Variants in ASTN2 observed in about 807,000 individuals in gnomAD.
ASTN2 encodes astrotactin-2.
A neutral mutation model predicts 139.8 loss-of-function variants in ASTN2; 54 were observed. That is an observed-to-expected ratio of 0.39 (90% confidence interval 0.31 to 0.48). ASTN2 has a LOEUF of 0.48. Ranked by LOEUF, ASTN2 falls within the 20% of genes least tolerant of loss-of-function variation. The pLI, the probability that ASTN2 is intolerant of heterozygous loss-of-function variation, is 0.95. For missense variants in ASTN2, 1,565 were observed against 1,725.1 expected, an observed-to-expected ratio of 0.91 and a Z score of 1.64; for synonymous variants, 756 against 719.5, an observed-to-expected ratio of 1.05 and a Z score of -0.81.
chr9:116,799,716 G>A (rs1485794618), intron 13 of ASTN2, among the ~76,000 whole-genome samples: 1 of 141,496 alleles, frequency 7.1e-6, no homozygotes, highest in African/African-American at 2.6e-5. Flanking sequence ...TGGGGGGGGG[G>A]AGAATAAAAA....
At chr9:116,513,942 C>T (rs1341725792) in intron 19 of ASTN2, among the ~76,000 whole-genome samples, 6 of 151,718 alleles carry the variant, frequency 4.0e-5, no homozygotes, top group African/African-American at 7.3e-5. Context: ...GCGATGGGTT[C>T]GAACTTCCTC....
intron 2 of ASTN2, among the ~76,000 whole-genome samples, chr9:117,287,737 A>G (rs1353395047): frequency 1.3e-5 from 2 of 152,214 alleles, no homozygotes; most frequent in African/African-American, 4.8e-5. Context: ...ATATAAGACT[A>G]AAGCCAATGT....
chr9:116,448,594 G>C (rs955886503), intron 20 of ASTN2, among the ~76,000 whole-genome samples: 6 of 152,150 alleles, frequency 3.9e-5, no homozygotes, highest in African/African-American at 1.2e-4. Flanking sequence ...TTACAAATAA[G>C]ACTGTTCTGG....
chr9:116,708,118 T>G (rs1488131432), intron 16 of ASTN2, among the ~76,000 whole-genome samples: 1 of 148,884 alleles, frequency 6.7e-6, no homozygotes, highest in Admixed American at 6.6e-5. Flanking sequence ...TGGCCCAATT[T>G]AAATTAAAAC....
intron 2 of ASTN2, among the ~76,000 whole-genome samples, chr9:117,253,080 T>C (rs1439724330): frequency 6.6e-6 from 1 of 152,152 alleles, no homozygotes; most frequent in African/African-American, 2.4e-5. Flanking sequence ...ATTGTGTCCA[T>C]TTTCCTGTCT....
At chr9:116,645,363 C>T (rs1242219008) in intron 17 of ASTN2, among the ~76,000 whole-genome samples, 1 of 152,116 alleles carries the variant, frequency 6.6e-6, no homozygotes, top group Non-Finnish European at 1.5e-5. Flanking sequence ...AAGAGTTTTT[C>T]CCTGCTTCTC....
chr9:117,226,962 T>C (rs551063400), intron 2 of ASTN2, among the ~76,000 whole-genome samples: 36 of 152,048 alleles, frequency 2.4e-4, no homozygotes, highest in Non-Finnish European at 7.4e-5. Context: ...AGGTCAGAAG[T>C]AGGGAAAAGA....
At chr9:116,997,956 A>G (rs570682496) in intron 7 of ASTN2, among the ~76,000 whole-genome samples, 50 of 152,186 alleles carry the variant, frequency 3.3e-4, no homozygotes, top group Non-Finnish European at 6.5e-4. Flanking sequence ...TAGATAATGA[A>G]TCTGCATTGA....
chr9:116,606,088 C>G (rs575903746), intron 19 of ASTN2, among the ~76,000 whole-genome samples: 1 of 152,242 alleles, frequency 6.6e-6, no homozygotes, highest in East Asian at 1.9e-4. Context: ...AAACCCATGC[C>G]AATTGTTCTG....
At chr9:117,104,718 T>C (rs1253073337) in intron 4 of ASTN2, among the ~76,000 whole-genome samples, 1 of 152,224 alleles carries the variant, frequency 6.6e-6, no homozygotes, top group African/African-American at 2.4e-5. Flanking sequence ...AAAACATTTC[T>C]TATTGTTGCT....
chr9:116,452,765 T>A lies in ASTN2; in HGVS notation c.3498-10212A>T, dbSNP rs570436072. Among the ~76,000 whole-genome samples the A allele has an allele frequency of 8.7e-4, 133 of 152,284 alleles. 3 individuals carry two copies. The South Asian group carries it at 0.027, about 31-fold the overall frequency. On this transcript the variant is annotated intron_variant, in intron 20 of 22. Transcript: ENST00000313400. ...CCAAATGGATAAAATTATTAGGCAT[T>A]CATTGGTCCCAAGTGGGTCTTGAGT...
intron 19 of ASTN2, among the ~76,000 whole-genome samples, chr9:116,610,267 A>G (rs1214749764): frequency 6.6e-6 from 1 of 152,184 alleles, no homozygotes; most frequent in African/African-American, 2.4e-5. Context: ...ACTATATACT[A>G]TCTTCCAGAA....
intron 4 of ASTN2, among the ~76,000 whole-genome samples, chr9:117,105,180 G>C (rs904477093): frequency 5.9e-5 from 9 of 152,114 alleles, no homozygotes; most frequent in African/African-American, 1.7e-4. Flanking sequence ...GCTGGCCTTA[G>C]GAACGTAACT....
intron 1 of ASTN2, among the ~76,000 whole-genome samples, chr9:117,325,694 G>T (rs1281434407): frequency 6.6e-6 from 1 of 152,150 alleles, no homozygotes; most frequent in Admixed American, 6.6e-5. Context: ...TCAAGATAAT[G>T]CCACTTTCCC....
chr9:116,959,483 C>T (rs1023464431), intron 10 of ASTN2, among the ~76,000 whole-genome samples: 1 of 151,994 alleles, frequency 6.6e-6, no homozygotes, highest in African/African-American at 2.4e-5. Flanking sequence ...AGCAAGTTTG[C>T]GGTTTAGATG....
intron 5 of ASTN2, among the ~76,000 whole-genome samples, chr9:117,092,220 C>T (rs1828723774): frequency 6.6e-6 from 1 of 152,168 alleles, no homozygotes; most frequent in Admixed American, 6.5e-5. Flanking sequence ...TTGTGTCTTT[C>T]TTCTCCCAAA....
chr9:116,577,070 G>C (rs887333327), intron 19 of ASTN2, among the ~76,000 whole-genome samples: 35 of 152,122 alleles, frequency 2.3e-4, no homozygotes, highest in African/African-American at 8.2e-4. Context: ...TAGATGCTGT[G>C]GTTATTTCCA....
intron 10 of ASTN2, among the ~76,000 whole-genome samples, chr9:116,958,750 T>G (rs549049355): frequency 4.6e-4 from 70 of 152,056 alleles, no homozygotes; most frequent in Non-Finnish European, 1.0e-4. Flanking sequence ...CCCAGAGACA[T>G]GCAAACATAC....
intron 19 of ASTN2, among the ~76,000 whole-genome samples, chr9:116,573,113 AC>A (rs1297331696): frequency 6.6e-6 from 1 of 152,184 alleles, no homozygotes; most frequent in East Asian, 1.9e-4. Context: ...GAGAATATAC[AC>A]ATTTACTATT....
Sources: allele counts gnomAD v4.1 joint callset (sites outside exome capture counted in the v4.1 genomes callset), GRCh38; gene constraint gnomAD v4.1.1; transcripts MANE v1.5; gene names NCBI Gene and HGNC (gene_info 2026-07-23, HGNC 2026-07-21).